Variants in UMODL1 observed in about 807,000 individuals in gnomAD.
UMODL1 encodes uromodulin like 1.
Under a neutral mutation model 136.3 loss-of-function variants are expected in UMODL1, and 128 were observed. The ratio of observed to expected loss-of-function variants is 0.94; its 90% CI spans 0.81 to 1.09. UMODL1 has a LOEUF of 1.09. UMODL1 is among the 50% of genes least tolerant of loss of function. UMODL1 has a pLI of 0.00. For missense variants in UMODL1, 1,766 were observed against 1,725.6 expected (o/e 1.02, Z -0.41); for synonymous variants, 721 against 720.0 (o/e 1.00, Z -0.02).
intron 13 of UMODL1, among the ~76,000 whole-genome samples, chr21:42,114,240 A>G (rs906351322): frequency 4.6e-5 from 7 of 152,262 alleles, no homozygotes; most frequent in Non-Finnish European, 1.0e-4. Context: ...CGGCAGTCAC[A>G]TGGATGATCT....
intron 20 of UMODL1, chr21:42,128,066 C>T (rs1194089158): frequency 1.6e-6 from 1 of 633,730 alleles, no homozygotes; most frequent in Admixed American, 2.1e-5. Flanking sequence ...AATGGCTGAG[C>T]TGAGTTCCTT....
chr21:42,080,122 C>T (rs2066344978), intron 2 of UMODL1, among the ~76,000 whole-genome samples: 3 of 152,202 alleles, frequency 2.0e-5, no homozygotes, highest in South Asian at 2.1e-4. Context: ...ATTTTGGCAG[C>T]GCGAACTTCT....
Position 42,076,178 on chromosome 21 carries a change from G to C in UMODL1, c.250G>C (p.Val84Leu). Residue 84 changes from valine to leucine, a missense_variant, in exon 2 of 23, where the codon GTC becomes CTC. Transcript: ENST00000408910. ...CCGGACACAGTACCTGGTAGTGGAG[G>C]TCCCCGAGTCCAGGAACGTGACTGA... ...VYRTQYLVVE[V>L]PESRNVTDCC... The C allele has an allele frequency of 6.2e-7, 1 of 1,614,250 alleles. No homozygotes were observed. The highest frequency in any genetic ancestry group is 2.2e-5 in the East Asian group (1 of 44,888).
chr21:42,090,746 C>T lies in UMODL1; in HGVS notation c.931+308C>T, dbSNP rs115425431. ...CCACGTGTGTTGTTAACATTGTTCT[C>T]GAACAAGTTGTTGGCCGACGATTCA... is the stretch of plus-strand genomic sequence containing the variant. On this transcript the variant is annotated intron_variant, in intron 6 of 22. Transcript: ENST00000408910. Among the ~76,000 whole-genome samples the T allele has an allele frequency of 7.6e-3, 1,155 of 152,308 alleles. 9 individuals are homozygous for T. Among genetic ancestry groups the T allele is most frequent in the African/African-American group, 0.026 (1,084 of 41,560 alleles).
intron 16 of UMODL1, 39 bp downstream of exon 16, chr21:42,121,263 C>A: frequency 6.4e-7 from 1 of 1,573,874 alleles, no homozygotes; most frequent in Admixed American, 1.9e-5. Context: ...AATACTGTAT[C>A]ATAATCGGTT....
intron 2 of UMODL1, among the ~76,000 whole-genome samples, chr21:42,081,283 C>T (rs1344696778): frequency 1.3e-5 from 2 of 152,198 alleles, no homozygotes; most frequent in African/African-American, 4.8e-5. Context: ...GGAGCGACTC[C>T]TCCTCAGCCC....
rs1199651853 is a variant in UMODL1, at chr21:42,115,871, AGCAGCCCG to A, written c.2363_2370del (p.Ala788GlufsTer110). 6.2e-7 allele frequency: 1 copy of A among 1,613,340 alleles called. No homozygotes were observed. The highest frequency in any genetic ancestry group is 1.1e-5 in the South Asian group (1 of 91,066). ...CAAATGTGCTTATCCTCCATCCTGC[AGCAGCCCG>A]GAAGCTCATTGGAAAGGTCAGAATC... On this transcript the variant is annotated splice_acceptor_variant and coding_sequence_variant, in exon 14 of 23. Transcript: ENST00000408910. LOFTEE classifies it high-confidence loss of function.
chr21:42,115,138 T>A (rs1485294549), intron 13 of UMODL1, among the ~76,000 whole-genome samples: 1 of 152,240 alleles, frequency 6.6e-6, no homozygotes, highest in Non-Finnish European at 1.5e-5. Context: ...GTCTTTCTCC[T>A]TCACTGTCTA....
At chr21:42,130,431 A>G (rs1165002649) in intron 21 of UMODL1, among the ~76,000 whole-genome samples, 2 of 135,502 alleles carry the variant, frequency 1.5e-5, no homozygotes, top group Non-Finnish European at 3.1e-5. Flanking sequence ...TCTTATTTTG[A>G]AAAAAAAATA....
chr21:42,140,644 T>G (rs1206081941), intron 22 of UMODL1, among the ~76,000 whole-genome samples: 1 of 152,090 alleles, frequency 6.6e-6, no homozygotes, highest in Admixed American at 6.5e-5. Context: ...TGCAAGGGGA[T>G]CCACAATTCT....
chr21:42,063,514 A>G (rs1472392407), intron 1 of UMODL1, among the ~76,000 whole-genome samples: 2 of 152,230 alleles, frequency 1.3e-5, no homozygotes, highest in African/African-American at 4.8e-5. Context: ...CATGGGTATC[A>G]GGAGACCTTC....
chr21:42,094,486 G>GTTTA, intron 6 of UMODL1, among the ~76,000 whole-genome samples: 1 of 152,312 alleles, frequency 6.6e-6, no homozygotes, highest in South Asian at 2.1e-4. Context: ...GGGGCCTGAA[G>GTTTA]TTTAGATTAT....
intron 1 of UMODL1, among the ~76,000 whole-genome samples, chr21:42,064,178 C>T (rs1343926451): frequency 6.6e-6 from 1 of 152,116 alleles, no homozygotes; most frequent in Non-Finnish European, 1.5e-5. Context: ...GCCGGCCGTG[C>T]CTCTGCAGGT....
chr21:42,111,730 C>A lies in UMODL1; in HGVS notation c.2104+20C>A. 1 of 1,595,032 alleles carries A rather than the reference C, an allele frequency of 6.3e-7. No individual in the cohort carries two copies. Among genetic ancestry groups the A allele is most frequent in the Non-Finnish European group, 8.5e-7 (1 of 1,169,914 alleles). ...CCTGTGGTGAGTTCCTCGAATGGTGCATGGGGACTAGGACTAATAGGACCC... is the reference window on the plus strand; with the variant it reads ...CCTGTGGTGAGTTCCTCGAATGGTGAATGGGGACTAGGACTAATAGGACCC... On this transcript the variant is annotated intron_variant, in intron 12 of 22. Coordinates refer to ENST00000408910, the MANE Select transcript of UMODL1 (RefSeq NM_001004416.3).
rs752387264 is a variant in UMODL1, at chr21:42,084,052, C to T, written c.320-32C>T. On this transcript the variant is annotated intron_variant, in intron 2 of 22. Transcript: ENST00000408910. ...AGCAAATCAGGTTTGTCTTTTATCG[C>T]CAGTATCATTAATTGTATCATTTTC... 2.5e-6 allele frequency: 4 copies of T among 1,604,618 alleles called. No homozygotes were observed. The Admixed American group carries it at 6.8e-5, about 27-fold the overall frequency.
rs1165749751 is a variant in UMODL1, at chr21:42,122,660, T to C, written c.2828-171T>C. ...GTGTGTACGTGTGTGTGCATATGTG[T>C]GCGTGTGTGTGTGTGTGTGTGCACG... On this transcript the variant is annotated intron_variant, in intron 16 of 22. Transcript: ENST00000408910. The surrounding 1 kb of genome is among the most constrained non-coding windows in gnomAD (Gnocchi z 4.3). Among the ~76,000 whole-genome samples, 1 of 130,526 alleles carries C rather than the reference T, an allele frequency of 7.7e-6. No individual in the cohort carries two copies. Among genetic ancestry groups the C allele is most frequent in the East Asian group, 2.0e-4 (1 of 4,972 alleles). The allele number at this position is 130,526 out of a possible 152,430, so 85.6% of individuals were successfully genotyped here.
At position 42,123,559 on chromosome 21, in the gene UMODL1, GTGAA is replaced by G. The variant is rs974765760; in HGVS notation, c.3147+412_3147+415del. ...TGTGTATGTGGGGGTGTGCATGTGT[GTGAA>G]TGTGTGTAAATGTGTGAATCTGTGT... On this transcript the variant is annotated intron_variant, in intron 17 of 22. Coordinates refer to ENST00000408910, the MANE Select transcript of UMODL1 (RefSeq NM_001004416.3). The surrounding 1 kb of genome is among the most constrained non-coding windows in gnomAD (Gnocchi z 4.4). Among the ~76,000 whole-genome samples the G allele has an allele frequency of 2.6e-5, 4 of 151,898 alleles. No individual in the cohort carries two copies. The highest frequency in any genetic ancestry group is 9.7e-5 in the African/African-American group (4 of 41,302).
intron 7 of UMODL1, among the ~76,000 whole-genome samples, chr21:42,100,575 C>A (rs568111584): frequency 6.6e-6 from 1 of 152,078 alleles, no homozygotes; most frequent in South Asian, 2.1e-4. Context: ...CCAAAGTACA[C>A]CAGGACTGAG....
At chr21:42,077,758 G>A (rs1406708194) in intron 2 of UMODL1, among the ~76,000 whole-genome samples, 1 of 152,202 alleles carries the variant, frequency 6.6e-6, no homozygotes, top group South Asian at 2.1e-4. Context: ...TTAGCTAAGG[G>A]AGAGTCCATT....
Sources: allele counts gnomAD v4.1 joint callset (sites outside exome capture counted in the v4.1 genomes callset), GRCh38; gene constraint gnomAD v4.1.1; non-coding constraint Gnocchi (gnomAD v3.1); transcripts MANE v1.5; gene names NCBI Gene and HGNC (gene_info 2026-07-23, HGNC 2026-07-21).